The following NBEA variants were observed in gnomAD, a reference collection of about 807,000 sequenced individuals.
NBEA encodes the protein neurobeachin, also known as lysosomal-trafficking regulator 2.
NBEA carries 44 observed loss-of-function variants against 343.4 expected under a neutral mutation model. That is an observed-to-expected ratio of 0.13 (90% CI 0.10 to 0.16). The LOEUF is 0.16. Ranked by LOEUF, NBEA falls within the 10% of genes least tolerant of loss-of-function variation. The probability of loss-of-function intolerance (pLI) is 1.00; values close to 1 mark genes in which losing one functional copy is unlikely to be tolerated. For synonymous variants in NBEA, 1,175 were observed against 1,238.7 expected (o/e 0.95, Z 1.08); for missense variants, 2,555 against 3,631.3 (o/e 0.70, Z 7.62).
At chr13:35,360,641 A>G (rs917272841) in intron 38 of NBEA, among the ~76,000 whole-genome samples, 1 of 152,090 alleles carries the variant, frequency 6.6e-6, no homozygotes, top group African/African-American at 2.4e-5. Flanking sequence ...AGACTGATAG[A>G]TCTCAGCTAG....
chr13:34,964,064 T>C (rs1489871856), intron 1 of NBEA, among the ~76,000 whole-genome samples: 1 of 152,006 alleles, frequency 6.6e-6, no homozygotes, highest in Non-Finnish European at 1.5e-5. Flanking sequence ...TAAATTAAGC[T>C]TCAGACACAG....
chr13:35,374,909 G>C (rs374892019), intron 38 of NBEA, among the ~76,000 whole-genome samples: 23 of 152,034 alleles, frequency 1.5e-4, no homozygotes, highest in African/African-American at 3.1e-4. Flanking sequence ...CAAATACACA[G>C]GAATGCATGC....
intron 1 of NBEA, among the ~76,000 whole-genome samples, chr13:34,949,965 G>T (rs1238988501): frequency 6.6e-6 from 1 of 152,192 alleles, no homozygotes; most frequent in Non-Finnish European, 1.5e-5. Flanking sequence ...GAGTGTCTGA[G>T]ATGGGTGGGT....
intron 43 of NBEA, among the ~76,000 whole-genome samples, chr13:35,553,997 A>G (rs73498936): frequency 0.038 from 5,771 of 152,226 alleles, 397 homozygotes; most frequent in African/African-American, 0.13. Context: ...ACAGGAAATG[A>G]GTGTGGTGGT....
chr13:35,616,981 T>G (rs2082766800), intron 48 of NBEA, among the ~76,000 whole-genome samples: 1 of 152,222 alleles, frequency 6.6e-6, no homozygotes, highest in Non-Finnish European at 1.5e-5. Context: ...CTAGGAACTG[T>G]AAGGATTCAT....
chr13:35,236,248 A>T (rs1032328652), intron 34 of NBEA, among the ~76,000 whole-genome samples: 5 of 152,156 alleles, frequency 3.3e-5, no homozygotes, highest in East Asian at 1.9e-4. Context: ...TAAAAGAATG[A>T]CTTTCAGTAT....
chr13:35,578,712 T>C (rs542419886), intron 45 of NBEA, among the ~76,000 whole-genome samples: 1 of 152,294 alleles, frequency 6.6e-6, no homozygotes, highest in Admixed American at 6.5e-5. Flanking sequence ...GCAGTTGTAA[T>C]AGCAGTAGTG....
At chr13:35,088,576 A>G (rs1302668757) in intron 10 of NBEA, among the ~76,000 whole-genome samples, 1 of 151,946 alleles carries the variant, frequency 6.6e-6, no homozygotes, top group Non-Finnish European at 1.5e-5. Context: ...GGTCAAGTTT[A>G]TTGGAGTACT....
In NBEA at chr13:35,254,785, A is replaced by T. The variant is rs553618285; in HGVS notation, c.5776+22166A>T. ...GTTATCTAAATTTAAAAGCACTTAAAGTTGATACAGCAAATATACCTCATT... is the reference window on the plus strand; with the variant it reads ...GTTATCTAAATTTAAAAGCACTTAATGTTGATACAGCAAATATACCTCATT... On this transcript the variant is annotated intron_variant, in intron 34 of 58. Transcript: ENST00000379939. Among the ~76,000 whole-genome samples, 39 of 152,260 alleles carry T rather than the reference A, an allele frequency of 2.6e-4. No homozygotes were observed. The South Asian group carries it at 8.1e-3, about 32-fold the overall frequency.
intron 48 of NBEA, among the ~76,000 whole-genome samples, chr13:35,622,111 T>A (rs1362870595): frequency 6.6e-6 from 1 of 151,976 alleles, no homozygotes; most frequent in Non-Finnish European, 1.5e-5. Context: ...TGAACTTGAG[T>A]AAGAAGGATG....
chr13:35,528,138 T>C (rs930312225), intron 41 of NBEA, among the ~76,000 whole-genome samples: 1 of 152,224 alleles, frequency 6.6e-6, no homozygotes, highest in African/African-American at 2.4e-5. Context: ...TTTTCAGTTT[T>C]TCATATATGC....
At chr13:34,962,709 A>G (rs2059698635) in intron 1 of NBEA, among the ~76,000 whole-genome samples, 1 of 152,064 alleles carries the variant, frequency 6.6e-6, no homozygotes, top group African/African-American at 2.4e-5. Flanking sequence ...AAAAATATAT[A>G]TAAGTGAATG....
rs142064186 is a variant in NBEA at position 35,077,297 on chromosome 13, G to A, written c.1571+6445G>A. On this transcript the variant is annotated intron_variant, in intron 10 of 58. Coordinates refer to ENST00000379939, the MANE Select transcript of NBEA (RefSeq NM_001385012.1). ...AGGCTTATACACATAAACCATTGAT[G>A]GAATATTTCCATGTGGAAAGTATCT... Among the ~76,000 whole-genome samples, 459 of 152,092 alleles carry A rather than the reference G, an allele frequency of 3.0e-3. 3 individuals carry two copies. Among genetic ancestry groups the A allele is most frequent in the South Asian group, 0.017 (84 of 4,820 alleles).
At chr13:35,345,439 C>T (rs951964286) in intron 36 of NBEA, among the ~76,000 whole-genome samples, 2 of 151,038 alleles carry the variant, frequency 1.3e-5, no homozygotes, top group South Asian at 2.2e-4. Flanking sequence ...TATATATTTA[C>T]ATATACTATT....
At chr13:35,107,539 GC>G (rs1360592230) in intron 11 of NBEA, among the ~76,000 whole-genome samples, 1 of 151,876 alleles carries the variant, frequency 6.6e-6, no homozygotes. Context: ...TGTTTTATCT[GC>G]CCCATAGTTT....
chr13:35,148,594 C>T, intron 18 of NBEA, among the ~76,000 whole-genome samples: 1 of 152,088 alleles, frequency 6.6e-6, no homozygotes, highest in East Asian at 1.9e-4. Flanking sequence ...CTGATTAATA[C>T]TTAAGAATAT....
chr13:35,210,292 G>A, intron 32 of NBEA, among the ~76,000 whole-genome samples: 1 of 151,986 alleles, frequency 6.6e-6, no homozygotes, highest in Non-Finnish European at 1.5e-5. Flanking sequence ...GTGTGTGTGT[G>A]TGTATGTGTG....
At chr13:35,493,834 A>G (rs924169788) in intron 41 of NBEA, among the ~76,000 whole-genome samples, 5 of 151,916 alleles carry the variant, frequency 3.3e-5, no homozygotes, top group African/African-American at 1.2e-4. Flanking sequence ...TTTACCTTTA[A>G]AGGTGTATCT....
intron 40 of NBEA, among the ~76,000 whole-genome samples, chr13:35,472,014 G>T (rs1189884752): frequency 3.3e-5 from 5 of 152,114 alleles, no homozygotes; most frequent in Admixed American, 3.3e-4. Flanking sequence ...GCGATGGCTG[G>T]TCTTGGGGGC....
Sources: allele counts gnomAD v4.1 joint callset (sites outside exome capture counted in the v4.1 genomes callset), GRCh38; gene constraint gnomAD v4.1.1; transcripts MANE v1.5; gene names NCBI Gene and HGNC (gene_info 2026-07-23, HGNC 2026-07-21).